Variants in TBCD observed in about 807,000 individuals in gnomAD.
TBCD encodes tubulin-specific chaperone D.
Under a neutral mutation model 169.3 loss-of-function variants are expected in TBCD, and 105 were observed. That is an observed-to-expected ratio of 0.62 (90% CI 0.53 to 0.73). The LOEUF is 0.73. TBCD is among the 30% of genes least tolerant of loss of function. The probability of loss-of-function intolerance (pLI) is 0.00; values close to 1 mark genes in which losing one functional copy is unlikely to be tolerated. For synonymous variants in TBCD, 700 were observed against 643.9 expected (o/e 1.09, Z -1.32); for missense variants, 1,444 against 1,600.1 (o/e 0.90, Z 1.66).
chr17:82,811,659 C>G (rs2051452898), intron 12 of TBCD, among the ~76,000 whole-genome samples: 1 of 152,070 alleles, frequency 6.6e-6, no homozygotes, highest in South Asian at 2.1e-4. Context: ...CGGCTCTGGA[C>G]AGCGCCTGCT....
chr17:82,901,653 G>A (rs563326833), intron 18 of TBCD, among the ~76,000 whole-genome samples: 1 of 149,562 alleles, frequency 6.7e-6, no homozygotes, highest in African/African-American at 2.5e-5. Flanking sequence ...CCGGCTACCT[G>A]CCGTGGTCCT....
chr17:82,906,791 C>G (rs1335759458), intron 20 of TBCD, among the ~76,000 whole-genome samples: 1 of 152,246 alleles, frequency 6.6e-6, no homozygotes, highest in African/African-American at 2.4e-5. Context: ...CTGGTCGGCC[C>G]CGAGCTCAGA....
intron 2 of TBCD, among the ~76,000 whole-genome samples, chr17:82,756,821 A>G (rs903328089): frequency 2.0e-5 from 3 of 152,042 alleles, no homozygotes; most frequent in African/African-American, 4.8e-5. Context: ...ATTTTAGTTT[A>G]CATTTGGGCA....
chr17:82,937,911 G>A (rs770950210), intron 35 of TBCD, 138 bp from the exon 36 acceptor site: 138 of 1,532,584 alleles, frequency 9.0e-5, no homozygotes, highest in East Asian at 2.0e-4. Flanking sequence ...ACACACCTCC[G>A]GCTTGGGGCC....
chr17:82,850,533 TTGTTAG>T (rs2055696299), intron 13 of TBCD, among the ~76,000 whole-genome samples: 1 of 81,098 alleles, frequency 1.2e-5, no homozygotes, highest in African/African-American at 3.8e-5. Flanking sequence ...GGCTGTGCTG[TTGTTAG>T]CTGTGCTGTT....
At chr17:82,936,978 C>A (rs1422440875) in intron 34 of TBCD, among the ~76,000 whole-genome samples, 1 of 152,214 alleles carries the variant, frequency 6.6e-6, no homozygotes, top group Admixed American at 6.5e-5. Flanking sequence ...TGGGGACAGA[C>A]CCTGGGGCCT....
At chr17:82,834,014 A>G (rs546591793) in intron 13 of TBCD, among the ~76,000 whole-genome samples, 2 of 151,532 alleles carry the variant, frequency 1.3e-5, no homozygotes, top group Non-Finnish European at 2.9e-5. Context: ...GCGCAATCTC[A>G]GCTCACTGCA....
At chr17:82,881,321 G>A (rs1469907490) in intron 14 of TBCD, among the ~76,000 whole-genome samples, 1 of 152,244 alleles carries the variant, frequency 6.6e-6, no homozygotes, top group Admixed American at 6.5e-5. Flanking sequence ...GTGATCCGTG[G>A]TTGTTAGTAA....
At chr17:82,756,027 G>C (rs2047383906) in intron 1 of TBCD, 138 bp from the exon 2 acceptor site, 1 of 753,390 alleles carries the variant, frequency 1.3e-6, no homozygotes. Context: ...CCTTTAGTGA[G>C]AGGGGAGGTG....
intron 13 of TBCD, among the ~76,000 whole-genome samples, chr17:82,852,178 A>G (rs2055850748): frequency 7.5e-6 from 1 of 133,262 alleles, no homozygotes; most frequent in South Asian, 2.8e-4. Context: ...TAGACACCAC[A>G]GATGGGTTCT....
At position 82,929,272 on chromosome 17, in the gene TBCD, G is replaced by C; in HGVS notation, c.2852+1G>C. ...GAGAACTGGAAAAGCTGTTTCCCAG[G>C]TACTGTCGGGGTGTAGGCCCCCCGT... On this transcript the variant is annotated splice_donor_variant, in intron 31 of 38. Coordinates refer to ENST00000355528, the MANE Select transcript of TBCD (RefSeq NM_005993.5). LOFTEE classifies it high-confidence loss of function. 6.2e-7 allele frequency: 1 copy of C among 1,613,486 alleles called. No individual in the cohort carries two copies. Among genetic ancestry groups the C allele is most frequent in the South Asian group, 1.1e-5 (1 of 91,048 alleles).
chr17:82,806,658 C>T lies in TBCD; in HGVS notation c.1087+647C>T, dbSNP rs959278629. Among the ~76,000 whole-genome samples, 2 of 152,208 alleles carry T rather than the reference C, an allele frequency of 1.3e-5. No individual in the cohort carries two copies. The highest frequency in any genetic ancestry group is 4.8e-5 in the African/African-American group (2 of 41,546). On this transcript the variant is annotated intron_variant, in intron 10 of 38. Transcript: ENST00000355528. This position sits in a 1 kb window ranked among gnomAD's most constrained non-coding sequence, Gnocchi z 5.1. Reference sequence around the variant, plus strand: ...ATCTCCCAGCTTCCTGATGGGCAGGCGGGGCCACGCTGCCTGTGCTGTGCT... The same window carrying T: ...ATCTCCCAGCTTCCTGATGGGCAGGTGGGGCCACGCTGCCTGTGCTGTGCT...
At chr17:82,815,067 G>GGACAGCC in intron 13 of TBCD, 133 bp downstream of exon 13, 1 of 1,410,764 alleles carries the variant, frequency 7.1e-7, no homozygotes. Flanking sequence ...CAGGCTGTCC[G>GGACAGCC]TGGCAGGCTG....
chr17:82,756,321 A>T, intron 2 of TBCD, 106 bp downstream of exon 2: 1 of 1,182,698 alleles, frequency 8.5e-7, no homozygotes, highest in South Asian at 1.3e-5. Flanking sequence ...TCAAATGCCA[A>T]GAAGTGTCCC....
chr17:82,893,652 C>T lies in TBCD; in HGVS notation c.1649+20C>T, dbSNP rs1467210145. On this transcript the variant is annotated intron_variant, in intron 17 of 38. Coordinates refer to ENST00000355528, the MANE Select transcript of TBCD (RefSeq NM_005993.5). Reference sequence around the variant, plus strand: ...TATAAGGTAAGTCTTTAATGTATATCACAAAAATAGAATACTCTAAAATCA... The same window carrying T: ...TATAAGGTAAGTCTTTAATGTATATTACAAAAATAGAATACTCTAAAATCA... The T allele has an allele frequency of 1.3e-6, 2 of 1,532,672 alleles. No homozygotes were observed. The highest frequency in any genetic ancestry group is 1.8e-6 in the Non-Finnish European group (2 of 1,127,714). The allele number at this position is 1,532,672 out of a possible 1,614,324, so 94.9% of individuals were successfully genotyped here. A position where few individuals can be genotyped will look rare whatever the true frequency, so the allele number is the denominator to read the frequency against.
At chr17:82,793,624 C>G (rs946374926) in intron 7 of TBCD, among the ~76,000 whole-genome samples, 7 of 152,328 alleles carry the variant, frequency 4.6e-5, no homozygotes, top group African/African-American at 1.4e-4. Flanking sequence ...CAGGAAAGGC[C>G]TGGCCCTGGT....
At chr17:82,759,806 T>C (rs1014594809) in intron 2 of TBCD, among the ~76,000 whole-genome samples, 1 of 152,156 alleles carries the variant, frequency 6.6e-6, no homozygotes, top group Non-Finnish European at 1.5e-5. Flanking sequence ...TATTCAAATA[T>C]ATTAGCCTTT....
At chr17:82,897,857 C>T (rs1381328580) in intron 17 of TBCD, among the ~76,000 whole-genome samples, 1 of 152,216 alleles carries the variant, frequency 6.6e-6, no homozygotes. Context: ...GGCTTTGAGC[C>T]CCCGTGGGTT....
chr17:82,809,116 G>A (rs1239546848), intron 11 of TBCD, among the ~76,000 whole-genome samples: 1 of 152,072 alleles, frequency 6.6e-6, no homozygotes, highest in Non-Finnish European at 1.5e-5. Flanking sequence ...TGTACGCAGG[G>A]GATGGCTTTT....
Sources: allele counts gnomAD v4.1 joint callset (sites outside exome capture counted in the v4.1 genomes callset), GRCh38; gene constraint gnomAD v4.1.1; non-coding constraint Gnocchi (gnomAD v3.1); transcripts MANE v1.5; gene names NCBI Gene and HGNC (gene_info 2026-07-23, HGNC 2026-07-21).